Variants in KDM5A observed in about 807,000 individuals in gnomAD.
KDM5A encodes lysine demethylase 5A, also known as lysine-specific demethylase 5A.
In KDM5A, 42 loss-of-function variants were observed where a neutral mutation model predicts 193.5. That is an observed-to-expected ratio of 0.22 (90% CI 0.17 to 0.28). The LOEUF (loss-of-function observed/expected upper bound fraction) is 0.28, where lower values mean the gene tolerates loss of function less well. Among genes scored for constraint, KDM5A ranks in the 10% least tolerant of loss-of-function variants. The probability of loss-of-function intolerance (pLI) is 1.00; values close to 1 mark genes in which losing one functional copy is unlikely to be tolerated. For synonymous variants in KDM5A, 796 were observed against 718.1 expected (o/e 1.11, Z -1.73); for missense variants, 1,692 against 2,055.1 (o/e 0.82, Z 3.42).
At chr12:377,751 A>G (rs994454747) in intron 3 of KDM5A, among the ~76,000 whole-genome samples, 3 of 152,190 alleles carry the variant, frequency 2.0e-5, no homozygotes, top group Non-Finnish European at 4.4e-5. Context: ...ACCAAGTAAA[A>G]GGAAGACTTA....
intron 27 of KDM5A, among the ~76,000 whole-genome samples, chr12:289,224 T>C (rs1050733356): frequency 3.3e-5 from 5 of 152,142 alleles, no homozygotes; most frequent in African/African-American, 1.2e-4. Context: ...TAAATATTTA[T>C]TCTAATACAG....
chr12:284,238 A>G lies in KDM5A; in HGVS notation c.*1218T>C. ...AGTAAATATATATATTTATATATTCATATATGTATATTAAAAAAGGAAAAA... is the reference window on the plus strand; with the variant it reads ...AGTAAATATATATATTTATATATTCGTATATGTATATTAAAAAAGGAAAAA... On this transcript the variant is annotated 3_prime_UTR_variant, in exon 28 of 28. Coordinates refer to ENST00000399788, the MANE Select transcript of KDM5A (RefSeq NM_001042603.3). 4.5e-6 allele frequency: 1 copy of G among 224,012 alleles called. No individual in the cohort carries two copies. The allele number at this position is 224,012 out of a possible 1,614,324, so 13.9% of individuals were successfully genotyped here.
At chr12:378,422 TA>T (rs1944535256) in intron 3 of KDM5A, among the ~76,000 whole-genome samples, 1 of 152,124 alleles carries the variant, frequency 6.6e-6, no homozygotes, top group Non-Finnish European at 1.5e-5. Context: ...CACACCTAGC[TA>T]ATCTTTTTAA....
chr12:317,345 T>C (rs895371571), intron 19 of KDM5A, among the ~76,000 whole-genome samples: 2 of 152,158 alleles, frequency 1.3e-5, no homozygotes, highest in African/African-American at 4.8e-5. Context: ...AAGTTCTTAT[T>C]TTTCTCTGAA....
chr12:289,911 T>TTC (rs201370676), intron 27 of KDM5A, among the ~76,000 whole-genome samples: 13 of 102,842 alleles, frequency 1.3e-4, no homozygotes, highest in African/African-American at 3.5e-4. Flanking sequence ...TTCTTTCTTT[T>TTC]TTTTTTTTTT....
Position 355,062 on chromosome 12 carries a change from G to A in KDM5A, c.870+96C>T, listed in dbSNP as rs1363572690. 5.0e-6 allele frequency: 4 copies of A among 801,366 alleles called. No individual in the cohort carries two copies. The East Asian group carries it at 1.0e-4, about 20-fold the overall frequency. 49.6% of individuals were successfully genotyped at this position (801,366 alleles called of 1,614,324 possible). On this transcript the variant is annotated intron_variant, in intron 7 of 27. Transcript: ENST00000399788. Reference sequence around the variant, plus strand: ...GCCATCAAGTCTTCTAACCAAACGAGCTAACTAAACACATACCATGATATA... The same window carrying A: ...GCCATCAAGTCTTCTAACCAAACGAACTAACTAAACACATACCATGATATA...
chr12:357,275 G>A (rs1219739350), intron 5 of KDM5A, among the ~76,000 whole-genome samples: 1 of 150,334 alleles, frequency 6.7e-6, no homozygotes, highest in Non-Finnish European at 1.5e-5. Flanking sequence ...GCGAGACCCT[G>A]AATCAATCCA....
intron 2 of KDM5A, 117 bp from the exon 3 acceptor site, chr12:384,270 C>G (rs1384045827): frequency 1.3e-6 from 1 of 772,416 alleles, no homozygotes; most frequent in Non-Finnish European, 2.3e-6. Flanking sequence ...CTGTTAGGAA[C>G]CCAGCCACAC....
At chr12:384,986 TCCAGACCAG>T in intron 2 of KDM5A, among the ~76,000 whole-genome samples, 1 of 152,228 alleles carries the variant, frequency 6.6e-6, no homozygotes, top group East Asian at 1.9e-4. Flanking sequence ...GGTCAGGAGT[TCCAGACCAG>T]CCTGGCCAAC....
At chr12:301,693 A>G (rs965214873) in intron 24 of KDM5A, among the ~76,000 whole-genome samples, 17 of 152,346 alleles carry the variant, frequency 1.1e-4, no homozygotes, top group Non-Finnish European at 2.5e-4. Flanking sequence ...ATCAGACAGG[A>G]GAAAGAAATA....
chr12:300,294 C>T (rs1193142281), intron 24 of KDM5A, among the ~76,000 whole-genome samples: 2 of 152,060 alleles, frequency 1.3e-5, no homozygotes, highest in African/African-American at 2.4e-5. Flanking sequence ...TAAAACACCC[C>T]TCAGCAAATG....
intron 24 of KDM5A, among the ~76,000 whole-genome samples, chr12:301,539 A>T (rs533370930): frequency 6.6e-6 from 1 of 152,342 alleles, no homozygotes; most frequent in African/African-American, 2.4e-5. Flanking sequence ...TCTCAAAATA[A>T]TAAGAGCTAC....
chr12:289,903 C>CTTTTTTTTTTTTTTTTTTTT (rs1943269398), intron 27 of KDM5A, among the ~76,000 whole-genome samples: 10 of 106,736 alleles, frequency 9.4e-5, no homozygotes, highest in African/African-American at 4.0e-4. Context: ...TTTTTTCTTT[C>CTTTTTTTTTTTTTTTTTTTT]TTTCTTTTTT....
intron 24 of KDM5A, among the ~76,000 whole-genome samples, chr12:301,660 T>C (rs1018513958): frequency 3.3e-5 from 5 of 152,124 alleles, no homozygotes; most frequent in Non-Finnish European, 7.4e-5. Flanking sequence ...TTCAACACAG[T>C]GTTGGAAGTT....
chr12:297,282 G>A (rs933351965), intron 24 of KDM5A, 82 bp from the exon 25 acceptor site: 2 of 1,174,726 alleles, frequency 1.7e-6, no homozygotes, highest in African/African-American at 3.0e-5. Flanking sequence ...GAGGCTTTCA[G>A]GTTAAAGCTT....
chr12:358,488 T>C (rs1271440004), intron 5 of KDM5A, among the ~76,000 whole-genome samples: 1 of 152,194 alleles, frequency 6.6e-6, no homozygotes, highest in Admixed American at 6.5e-5. Context: ...TATATAACAA[T>C]AAAGCTGATA....
chr12:329,816 A>G (rs1943839662), intron 13 of KDM5A, among the ~76,000 whole-genome samples: 1 of 152,064 alleles, frequency 6.6e-6, no homozygotes, highest in Non-Finnish European at 1.5e-5. Context: ...GTATATACGC[A>G]CTCCAACTTC....
In KDM5A at chr12:356,449, C is replaced by T. The variant is rs182073164; in HGVS notation, c.761G>A (p.Gly254Glu). 1,450 of 1,607,846 alleles carry T rather than the reference C, an allele frequency of 9.0e-4. 6 individuals are homozygous for T. In the African/African-American group the frequency reaches 0.013, roughly 15 times the overall value. ...AGPKVVGLAM[G>E]TKDKEDEVTR... is the part of the protein sequence containing the mutation. The stretch of plus-strand genomic sequence containing the variant: ...AATTTTACCTTCTTTATCTTTTGTT[C>T]CCATTGCCAAGCCCACAACCTTGGG... The change falls in exon 6 of 28, where the codon GGA becomes GAA. Residue 254 changes from glycine to glutamate, a missense_variant. Physicochemically the swap from Gly to Glu is moderately conservative, Grantham distance 98 (BLOSUM62 -2). Transcript: ENST00000399788.
At chr12:291,936 C>T (rs1042041834) in intron 27 of KDM5A, among the ~76,000 whole-genome samples, 3 of 134,120 alleles carry the variant, frequency 2.2e-5, no homozygotes, top group Admixed American at 8.0e-5. Flanking sequence ...GAGTTTTGCT[C>T]TTGTGGCCCA....
Sources: allele counts gnomAD v4.1 joint callset (sites outside exome capture counted in the v4.1 genomes callset), GRCh38; gene constraint gnomAD v4.1.1; transcripts MANE v1.5; gene names NCBI Gene and HGNC (gene_info 2026-07-23, HGNC 2026-07-21).